The following OSBPL10 variants were observed in gnomAD, a reference collection of about 807,000 sequenced individuals.
The protein encoded by OSBPL10 is oxysterol binding protein like 10.
OSBPL10 carries 49 observed loss-of-function variants against 81.7 expected under a neutral mutation model. The observed-to-expected ratio is 0.60, with a 90% confidence interval of 0.48 to 0.76. The LOEUF (loss-of-function observed/expected upper bound fraction) is 0.76, where lower values mean the gene tolerates loss of function less well. OSBPL10 is among the 30% of genes least tolerant of loss of function. The pLI, the probability that OSBPL10 is intolerant of heterozygous loss-of-function variation, is 0.00. For missense variants in OSBPL10, 923 were observed against 987.8 expected (o/e 0.93, Z 0.88); for synonymous variants, 419 against 383.6 (o/e 1.09, Z -1.08).
intron 6 of OSBPL10, chr3:31,721,726 T>C (rs960150688): frequency 2.0e-5 from 3 of 152,316 alleles, no homozygotes; most frequent in East Asian, 1.9e-4. Context: ...ACAACACACG[T>C]TCTTAAGTGT....
At chr3:31,779,131 C>T (rs1322423502) in intron 4 of OSBPL10, among the ~76,000 whole-genome samples, 1 of 152,118 alleles carries the variant, frequency 6.6e-6, no homozygotes, top group African/African-American at 2.4e-5. Flanking sequence ...GCATAAATCT[C>T]ACAGGGCCTA....
intron 6 of OSBPL10, among the ~76,000 whole-genome samples, chr3:31,719,134 G>A (rs1435775661): frequency 3.3e-5 from 5 of 152,098 alleles, no homozygotes; most frequent in East Asian, 1.9e-4. Flanking sequence ...CATAAAATCC[G>A]GGAGCTGAAT....
chr3:31,796,604 G>A (rs2125439232), intron 4 of OSBPL10, among the ~76,000 whole-genome samples: 1 of 152,244 alleles, frequency 6.6e-6, no homozygotes, highest in African/African-American at 2.4e-5. Flanking sequence ...GACATTTTAG[G>A]TCAGATAACT....
chr3:31,795,979 C>T (rs1699202025), intron 4 of OSBPL10: 2 of 218,600 alleles, frequency 9.1e-6, no homozygotes, highest in Admixed American at 4.6e-5. Flanking sequence ...CAGCTCTGCA[C>T]TTCGTGTTCA....
chr3:32,041,104 G>A (rs547286001), intron 2 of OSBPL10, among the ~76,000 whole-genome samples: 7 of 152,210 alleles, frequency 4.6e-5, no homozygotes, highest in Non-Finnish European at 7.4e-5. Context: ...AATTAGCCCG[G>A]AGCCAGCTTC....
chr3:31,799,053 G>A (rs2125445549), intron 4 of OSBPL10, among the ~76,000 whole-genome samples: 1 of 152,230 alleles, frequency 6.6e-6, no homozygotes, highest in South Asian at 2.1e-4. Context: ...ACAGTCCATG[G>A]GTTAGTACAG....
At chr3:31,752,415 G>T (rs1697750073) in intron 4 of OSBPL10, among the ~76,000 whole-genome samples, 2 of 152,176 alleles carry the variant, frequency 1.3e-5, no homozygotes, top group Admixed American at 1.3e-4. Flanking sequence ...AAATTTCAGA[G>T]ATACAATCAC....
At chr3:31,943,041 G>A (rs1697581806) in intron 1 of OSBPL10, among the ~76,000 whole-genome samples, 1 of 152,006 alleles carries the variant, frequency 6.6e-6, no homozygotes, top group African/African-American at 2.4e-5. Flanking sequence ...GTATCTTCTA[G>A]TCTACTTTCT....
chr3:31,912,284 C>A (rs9680961), intron 1 of OSBPL10, among the ~76,000 whole-genome samples: 50,871 of 151,428 alleles, frequency 0.34, 8,624 homozygotes, highest in East Asian at 0.36. Context: ...ATCCCAGCTA[C>A]TCGGGAGGCT....
At chr3:31,978,382 A>ATAG (rs998989967) in intron 1 of OSBPL10, among the ~76,000 whole-genome samples, 23 of 152,232 alleles carry the variant, frequency 1.5e-4, no homozygotes, top group African/African-American at 5.3e-4. Context: ...TTCCTGCCAC[A>ATAG]TAGTAGGTGC....
chr3:31,991,794 A>G (rs1699033743), intron 2 of OSBPL10, among the ~76,000 whole-genome samples: 1 of 151,990 alleles, frequency 6.6e-6, no homozygotes, highest in Non-Finnish European at 1.5e-5. Flanking sequence ...GATCTTTCTC[A>G]CTACCACTGA....
intron 7 of OSBPL10, 145 bp downstream of exon 7, chr3:31,702,214 T>A: frequency 1.1e-6 from 1 of 946,474 alleles, no homozygotes; most frequent in Non-Finnish European, 1.6e-6. Context: ...ACCTGGAATA[T>A]CCATACTTGA....
chr3:31,964,863 G>A (rs1477391518), intron 1 of OSBPL10, among the ~76,000 whole-genome samples: 1 of 152,108 alleles, frequency 6.6e-6, no homozygotes, highest in Non-Finnish European at 1.5e-5. Context: ...GGGAAAATCT[G>A]AATATGAATG....
At chr3:31,866,595 G>T (rs1701188593) in intron 3 of OSBPL10, among the ~76,000 whole-genome samples, 1 of 152,168 alleles carries the variant, frequency 6.6e-6, no homozygotes, top group South Asian at 2.1e-4. Flanking sequence ...TACATGCTTG[G>T]GGAGTATAGA....
chr3:31,754,215 C>A (rs6805128), intron 4 of OSBPL10, among the ~76,000 whole-genome samples: 74,631 of 151,916 alleles, frequency 0.49, 18,636 homozygotes, highest in East Asian at 0.65. Flanking sequence ...GACACTGCTC[C>A]TCATACCCAC....
At chr3:31,747,185 T>G (rs1397848446) in intron 5 of OSBPL10, among the ~76,000 whole-genome samples, 1 of 151,426 alleles carries the variant, frequency 6.6e-6, no homozygotes, top group Non-Finnish European at 1.5e-5. Context: ...AAACATAAAA[T>G]TTGGGCATGG....
intron 4 of OSBPL10, among the ~76,000 whole-genome samples, chr3:31,772,733 A>G (rs1698418894): frequency 6.6e-6 from 1 of 152,236 alleles, no homozygotes; most frequent in Non-Finnish European, 1.5e-5. Context: ...AGTTTTCACC[A>G]TTCTGTGTGT....
intron 1 of OSBPL10, among the ~76,000 whole-genome samples, chr3:31,888,273 T>C (rs976087550): frequency 1.6e-4 from 25 of 152,216 alleles, no homozygotes; most frequent in Non-Finnish European, 2.9e-4. Flanking sequence ...GATATCCATA[T>C]GCAGAAGAAA....
intron 1 of OSBPL10, among the ~76,000 whole-genome samples, chr3:31,952,348 C>G (rs1269513032): frequency 1.3e-5 from 2 of 152,192 alleles, no homozygotes; most frequent in Admixed American, 6.5e-5. Context: ...CTTCAAGAGT[C>G]ATGTTTCCTC....
Sources: allele counts gnomAD v4.1 joint callset (sites outside exome capture counted in the v4.1 genomes callset), GRCh38; gene constraint gnomAD v4.1.1; transcripts MANE v1.5; gene names NCBI Gene and HGNC (gene_info 2026-07-23, HGNC 2026-07-21).